Variants in TPST2 observed in about 807,000 individuals in gnomAD.
The protein encoded by TPST2 is tyrosylprotein sulfotransferase 2.
A neutral mutation model predicts 27.8 loss-of-function variants in TPST2; 16 were observed. That is an observed-to-expected ratio of 0.58 (90% confidence interval 0.39 to 0.88). The LOEUF is 0.88. TPST2 is among the 40% of genes least tolerant of loss of function. The pLI, the probability that TPST2 is intolerant of heterozygous loss-of-function variation, is 0.00. For synonymous variants in TPST2, 229 were observed against 231.7 expected (o/e 0.99, Z 0.10); for missense variants, 464 against 543.1 (o/e 0.85, Z 1.45).
At chr22:26,580,215 C>T (rs1319022046) in intron 1 of TPST2, among the ~76,000 whole-genome samples, 1 of 152,120 alleles carries the variant, frequency 6.6e-6, no homozygotes, top group East Asian at 1.9e-4. Context: ...GCTTGGGCAA[C>T]AGAGCAAGAC....
At position 26,522,413 on chromosome 22, in the gene TPST2, G is replaced by A. The variant is rs1307343039; in HGVS notation, c.*3862C>T. Reference sequence around the variant, plus strand: ...GCTGCCCAAGCTGGACAGAGGATGGGCCAGGGCACAAGTGACGGCTGACCC... The same window carrying A: ...GCTGCCCAAGCTGGACAGAGGATGGACCAGGGCACAAGTGACGGCTGACCC... On this transcript the variant is annotated 3_prime_UTR_variant, in exon 7 of 7. Transcript: ENST00000338754. 1 of 152,162 alleles carries A rather than the reference G, an allele frequency of 6.6e-6. No individual in the cohort carries two copies. Among genetic ancestry groups the A allele is most frequent in the African/African-American group, 2.4e-5 (1 of 41,420 alleles). The allele number at this position is 152,162 out of a possible 1,614,324, so 9.4% of individuals were successfully genotyped here.
At chr22:26,572,198 G>C (rs1311165383) in intron 1 of TPST2, among the ~76,000 whole-genome samples, 1 of 152,146 alleles carries the variant, frequency 6.6e-6, no homozygotes, top group East Asian at 1.9e-4. Context: ...TTCATTCCCA[G>C]ACTGCAGTGT....
chr22:26,541,312 G>C lies in TPST2; in HGVS notation c.319C>G (p.Leu107Val), dbSNP rs745530983. 12 of 1,544,314 alleles carry C rather than the reference G, an allele frequency of 7.8e-6. No homozygotes were observed. Among genetic ancestry groups the C allele is most frequent in the Non-Finnish European group, 8.7e-6 (10 of 1,143,448 alleles). The change falls in exon 3 of 7, where the codon CTG (leucine) becomes GTG (valine). Residue 107 changes from leucine (L) to valine (V), a missense_variant. Leu to Val is a conservative substitution (Grantham distance 32). Transcript: ENST00000338754. This position sits in a 1 kb window ranked among gnomAD's most constrained non-coding sequence, Gnocchi z 5.9. ...TTGGACCAGGCCTGGCGCATGGCCA[G>C]CACGCGCGGGATGATGCGGGTCTCC... ...GEETRIIPRV[L>V]AMRQAWSKSG...
At position 26,567,861 on chromosome 22, in the gene TPST2, T is replaced by C. The variant is rs6005081; in HGVS notation, c.-161+22192A>G. On this transcript the variant is annotated intron_variant, in intron 1 of 6. Coordinates refer to ENST00000338754, the MANE Select transcript of TPST2 (RefSeq NM_003595.5). ...GAAACAAATGCAAATTTAAAGTACATTGTGGGATCATTACATAACTAAATA... is the reference window on the plus strand; with the variant it reads ...GAAACAAATGCAAATTTAAAGTACACTGTGGGATCATTACATAACTAAATA... Among the ~76,000 whole-genome samples, 477 of 152,270 alleles carry C rather than the reference T, an allele frequency of 3.1e-3. 1 individual carries two copies. The highest frequency in any genetic ancestry group is 0.011 in the African/African-American group (441 of 41,550).
rs1018314373 is a variant in TPST2 at position 26,526,191 on chromosome 22, T to G, written c.*84A>C. The stretch of plus-strand genomic sequence containing the variant: ...TGTTTTGGCGATTAATAGCAAGCAA[T>G]ATGCTTGGATTAGAGGTCCGATTTC... On this transcript the variant is annotated 3_prime_UTR_variant, in exon 7 of 7. Transcript: ENST00000338754. 1 of 152,226 alleles carries G rather than the reference T, an allele frequency of 6.6e-6. No individual in the cohort carries two copies. The highest frequency in any genetic ancestry group is 2.4e-5 in the African/African-American group (1 of 41,462). 9.4% of individuals were successfully genotyped at this position (152,226 alleles called of 1,614,324 possible).
At chr22:26,548,066 T>A (rs1436413347) in intron 1 of TPST2, among the ~76,000 whole-genome samples, 4 of 152,336 alleles carry the variant, frequency 2.6e-5, no homozygotes, top group Non-Finnish European at 5.9e-5. Flanking sequence ...GACTTGGTTT[T>A]CTCGTCTGTA....
chr22:26,548,114 CA>C (rs1278867846), intron 1 of TPST2, among the ~76,000 whole-genome samples: 1 of 152,162 alleles, frequency 6.6e-6, no homozygotes, highest in Non-Finnish European at 1.5e-5. Flanking sequence ...AGCCCTAATC[CA>C]AAATTTCAAA....
intron 1 of TPST2, chr22:26,555,196 A>G (rs767174170): frequency 9.4e-6 from 5 of 533,834 alleles, no homozygotes; most frequent in South Asian, 7.0e-5. Flanking sequence ...CTCTCTGTGA[A>G]ACACCGCTTA....
chr22:26,567,742 G>A (rs1927435145), intron 1 of TPST2, among the ~76,000 whole-genome samples: 1 of 152,170 alleles, frequency 6.6e-6, no homozygotes, highest in South Asian at 2.1e-4. Flanking sequence ...CAACACAACA[G>A]AAAAATGGGA....
In TPST2 at chr22:26,523,427, T is replaced by C. The variant is rs939651861; in HGVS notation, c.*2848A>G. On this transcript the variant is annotated 3_prime_UTR_variant, in exon 7 of 7. Coordinates refer to ENST00000338754, the MANE Select transcript of TPST2 (RefSeq NM_003595.5). ...CTATCAATTCTGATTGTCCCATGTTTTATAATATATTCATGTAGTACTCTA... is the reference window on the plus strand; with the variant it reads ...CTATCAATTCTGATTGTCCCATGTTCTATAATATATTCATGTAGTACTCTA... 18 of 152,166 alleles carry C rather than the reference T, an allele frequency of 1.2e-4. No homozygotes were observed. Among genetic ancestry groups the C allele is most frequent in the African/African-American group, 4.3e-4 (18 of 41,432 alleles). 9.4% of individuals were successfully genotyped at this position (152,166 alleles called of 1,614,324 possible).
chr22:26,555,101 A>G (rs1197478734), intron 1 of TPST2: 1 of 523,282 alleles, frequency 1.9e-6, no homozygotes, highest in African/African-American at 1.9e-5. Flanking sequence ...TCTGATTTGG[A>G]AGAGGCAAGG....
At chr22:26,578,769 T>C (rs1184365036) in intron 1 of TPST2, among the ~76,000 whole-genome samples, 1 of 152,114 alleles carries the variant, frequency 6.6e-6, no homozygotes, top group African/African-American at 2.4e-5. Context: ...GCTATTTGCA[T>C]GATCCAGAAC....
chr22:26,585,068 G>T (rs1373682218), intron 1 of TPST2, among the ~76,000 whole-genome samples: 2 of 152,180 alleles, frequency 1.3e-5, no homozygotes, highest in Non-Finnish European at 2.9e-5. Context: ...ACTTATACCT[G>T]CATTCAACAG....
At chr22:26,526,383 T>C (rs894168373) in intron 6 of TPST2, 116 bp from the exon 7 acceptor site, 4 of 152,246 alleles carry the variant, frequency 2.6e-5, no homozygotes, top group Non-Finnish European at 5.9e-5. Flanking sequence ...AAGCATGTAA[T>C]GTTTTAAGAA....
At chr22:26,561,721 C>T (rs1320298929) in intron 1 of TPST2, among the ~76,000 whole-genome samples, 1 of 152,160 alleles carries the variant, frequency 6.6e-6, no homozygotes, top group Non-Finnish European at 1.5e-5. Flanking sequence ...TGGAATCTAG[C>T]ATCTCACGGA....
At chr22:26,545,083 T>C (rs1440285871) in intron 1 of TPST2, among the ~76,000 whole-genome samples, 1 of 152,138 alleles carries the variant, frequency 6.6e-6, no homozygotes. Flanking sequence ...CTGGGTATGG[T>C]TGATCAGGTT....
rs531651384 is a variant in TPST2 at position 26,587,248 on chromosome 22, G to A, written c.-161+2805C>T. 3.0e-3 allele frequency among the ~76,000 whole-genome samples: 458 copies of A among 152,272 alleles called. 1 individual carries two copies. The highest frequency in any genetic ancestry group is 5.3e-3 in the Non-Finnish European group (362 of 68,020). On this transcript the variant is annotated intron_variant, in intron 1 of 6. Coordinates refer to ENST00000338754, the MANE Select transcript of TPST2 (RefSeq NM_003595.5). ...AGGCTGGCCCGGGATGGGAAGATCC[G>A]AGCAGCTTCCACCTTCCTTTCACCC...
intron 1 of TPST2, among the ~76,000 whole-genome samples, chr22:26,570,731 C>T (rs571908957): frequency 6.1e-4 from 7 of 11,448 alleles, no homozygotes; most frequent in Non-Finnish European, 7.8e-4. Flanking sequence ...CATACCCCAC[C>T]TGCAGCTGGT....
chr22:26,569,868 C>G (rs1005290124), intron 1 of TPST2, among the ~76,000 whole-genome samples: 2 of 146,118 alleles, frequency 1.4e-5, no homozygotes, highest in African/African-American at 2.5e-5. Context: ...GGGAGAACTG[C>G]TTGAACCTGG....
Sources: allele counts gnomAD v4.1 joint callset (sites outside exome capture counted in the v4.1 genomes callset), GRCh38; gene constraint gnomAD v4.1.1; non-coding constraint Gnocchi (gnomAD v3.1); transcripts MANE v1.5; gene names NCBI Gene and HGNC (gene_info 2026-07-23, HGNC 2026-07-21).